The following SRD5A2 variants were observed in gnomAD, a reference collection of about 807,000 sequenced individuals.
The protein encoded by SRD5A2 is 3-oxo-5-alpha-steroid 4-dehydrogenase 2.
SRD5A2 carries 30 observed loss-of-function variants against 27.4 expected under a neutral mutation model. That is an observed-to-expected ratio of 1.10 (90% CI 0.82 to 1.49). The LOEUF (loss-of-function observed/expected upper bound fraction) is 1.49. Ranked by LOEUF, SRD5A2 falls within the 40% of genes most tolerant of loss-of-function variation. The pLI, the probability that SRD5A2 is intolerant of heterozygous loss-of-function variation, is 0.00. For missense variants in SRD5A2, 348 were observed against 323.4 expected (o/e 1.08, Z -0.58); for synonymous variants, 141 against 133.6 (o/e 1.06, Z -0.38).
chr2:31,593,725 A>G, the SRD5A2 span, among the ~76,000 whole-genome samples: 1 of 152,174 alleles, frequency 6.6e-6, no homozygotes, highest in African/African-American at 2.4e-5. Context: ...GCAAAAAGAT[A>G]ATCACCAAGG....
At chr2:31,554,486 G>A (rs1484078342) in intron 1 of SRD5A2, among the ~76,000 whole-genome samples, 1 of 152,180 alleles carries the variant, frequency 6.6e-6, no homozygotes, top group East Asian at 1.9e-4. Context: ...GACATTCCCT[G>A]TGGTATTGGA....
At chr2:31,567,020 T>C (rs1345241911) in intron 1 of SRD5A2, among the ~76,000 whole-genome samples, 1 of 152,224 alleles carries the variant, frequency 6.6e-6, no homozygotes, top group Non-Finnish European at 1.5e-5. Flanking sequence ...TGGCTCCATA[T>C]ATTTATTTCC....
At chr2:31,552,421 G>C (rs1666398572) in intron 1 of SRD5A2, among the ~76,000 whole-genome samples, 1 of 151,970 alleles carries the variant, frequency 6.6e-6, no homozygotes, top group African/African-American at 2.4e-5. Flanking sequence ...CAAGGGGACA[G>C]TTTCTATCTT....
Position 31,540,371 on chromosome 2 carries a change from G to A in SRD5A2, c.282-6605C>T, listed in dbSNP as rs565375899. Among the ~76,000 whole-genome samples, 179 of 152,202 alleles carry A rather than the reference G, an allele frequency of 1.2e-3. 1 individual carries two copies. The highest frequency in any genetic ancestry group is 4.1e-3 in the African/African-American group (170 of 41,538). ...ATAAATGTAAATAATTCAAATCATT[G>A]TAAAGACAAGAGTTGGCTAAAGACA... is the stretch of plus-strand genomic sequence containing the variant. On this transcript the variant is annotated intron_variant, in intron 1 of 4. Coordinates refer to ENST00000622030, the MANE Select transcript of SRD5A2 (RefSeq NM_000348.4).
At chr2:31,541,221 A>G (rs1303673086) in intron 1 of SRD5A2, among the ~76,000 whole-genome samples, 2 of 152,186 alleles carry the variant, frequency 1.3e-5, no homozygotes, top group Admixed American at 6.5e-5. Context: ...TGGCACAGAG[A>G]CAGACTAAAG....
At chr2:31,654,604 T>G in the SRD5A2 span, among the ~76,000 whole-genome samples, 2 of 152,148 alleles carry the variant, frequency 1.3e-5, no homozygotes, top group South Asian at 4.1e-4. Context: ...CTGGCAATCT[T>G]GGATTCTAAA....
chr2:31,574,820 G>A (rs73922394), intron 1 of SRD5A2, among the ~76,000 whole-genome samples: 2,737 of 152,292 alleles, frequency 0.018, 74 homozygotes, highest in African/African-American at 0.062. Flanking sequence ...TTCTTTAGAA[G>A]GGATTGGTAA....
At chr2:31,580,381 C>T (rs765430355) in intron 1 of SRD5A2, among the ~76,000 whole-genome samples, 18 of 152,198 alleles carry the variant, frequency 1.2e-4, no homozygotes, top group Non-Finnish European at 2.4e-4. Context: ...CTGCTGAGAG[C>T]GGATGAGGTC....
At position 31,522,484 on chromosome 2, in the gene SRD5A2, T is replaced by C. The variant is rs955815365; in HGVS notation, c.*3712A>G. 3.8e-5 allele frequency: 7 copies of C among 185,736 alleles called. No individual in the cohort carries two copies. Among genetic ancestry groups the C allele is most frequent in the African/African-American group, 1.6e-4 (7 of 42,672 alleles). The allele number at this position is 185,736 out of a possible 1,614,324, so 11.5% of individuals were successfully genotyped here. A position where few individuals can be genotyped will look rare whatever the true frequency, so the allele number is the denominator to read the frequency against. On this transcript the variant is annotated 3_prime_UTR_variant, in exon 5 of 5. Transcript: ENST00000622030. ...GACTAAAGAAACTAACACAGCTTGG[T>C]GCATACTTTAACCTTCTCCAGTTAT...
chr2:31,619,850 G>A, the SRD5A2 span, among the ~76,000 whole-genome samples: 1 of 152,080 alleles, frequency 6.6e-6, no homozygotes, highest in African/African-American at 2.4e-5. Flanking sequence ...ACCTTTGTCA[G>A]ATGTATAGTT....
At chr2:31,649,712 A>G in the SRD5A2 span, among the ~76,000 whole-genome samples, 1 of 152,140 alleles carries the variant, frequency 6.6e-6, no homozygotes, top group Non-Finnish European at 1.5e-5. Flanking sequence ...TGTAATTTCT[A>G]GATTTTTCAG....
Position 31,546,346 on chromosome 2 carries a change from T to C in SRD5A2, c.282-12580A>G, listed in dbSNP as rs571345337. 2.0e-5 allele frequency among the ~76,000 whole-genome samples: 3 copies of C among 152,266 alleles called. No individual in the cohort carries two copies. In the South Asian group the frequency reaches 6.2e-4, roughly 32 times the overall value. ...TAATCAAAGCAATATAGTACTGGCA[T>C]ATAGACAATAAAAGCCTATAAAGAC... On this transcript the variant is annotated intron_variant, in intron 1 of 4. Transcript: ENST00000622030.
the SRD5A2 span, among the ~76,000 whole-genome samples, chr2:31,602,290 C>T: frequency 6.6e-6 from 1 of 151,986 alleles, no homozygotes; most frequent in Non-Finnish European, 1.5e-5. Context: ...AGAGTCAAAT[C>T]ATGACTGAAC....
chr2:31,660,125 A>C, the SRD5A2 span, among the ~76,000 whole-genome samples: 25 of 152,038 alleles, frequency 1.6e-4, no homozygotes, highest in African/African-American at 5.8e-4. Flanking sequence ...ATACAATTAT[A>C]ATTTTTTAAA....
chr2:31,611,325 G>T, the SRD5A2 span, among the ~76,000 whole-genome samples: 1 of 152,208 alleles, frequency 6.6e-6, no homozygotes, highest in South Asian at 2.1e-4. Context: ...GGGATCGTTT[G>T]TTATGCAACC....
chr2:31,618,383 T>C, the SRD5A2 span, among the ~76,000 whole-genome samples: 2 of 152,106 alleles, frequency 1.3e-5, no homozygotes, highest in South Asian at 2.1e-4. Context: ...TGCACTCCCA[T>C]TTTCAGCATT....
At chr2:31,624,796 T>C in the SRD5A2 span, among the ~76,000 whole-genome samples, 2 of 152,216 alleles carry the variant, frequency 1.3e-5, no homozygotes, top group African/African-American at 4.8e-5. Context: ...TTTGCTATTG[T>C]GAATAGTGCC....
intron 1 of SRD5A2, among the ~76,000 whole-genome samples, chr2:31,564,927 C>T (rs928209719): frequency 6.6e-6 from 1 of 151,690 alleles, no homozygotes; most frequent in Admixed American, 6.6e-5. Context: ...AATATGGCAA[C>T]CACATAAGCA....
At chr2:31,542,822 A>G (rs1666156362) in intron 1 of SRD5A2, among the ~76,000 whole-genome samples, 1 of 152,152 alleles carries the variant, frequency 6.6e-6, no homozygotes, top group African/African-American at 2.4e-5. Flanking sequence ...GGGGCTCAAC[A>G]TACACACCAT....
Sources: allele counts gnomAD v4.1 joint callset (sites outside exome capture counted in the v4.1 genomes callset), GRCh38; gene constraint gnomAD v4.1.1; transcripts MANE v1.5; gene names NCBI Gene and HGNC (gene_info 2026-07-23, HGNC 2026-07-21).